The following CYP19A1 variants were observed in gnomAD, a reference collection of about 807,000 sequenced individuals.
CYP19A1 encodes the protein cytochrome P450 family 19 subfamily A member 1.
Under a neutral mutation model 44.4 loss-of-function variants are expected in CYP19A1, and 32 were observed. That is an observed-to-expected ratio of 0.72 (90% CI 0.54 to 0.97). The LOEUF is 0.97. CYP19A1 is among the 50% of genes least tolerant of loss of function. CYP19A1 has a pLI of 0.00. For synonymous variants in CYP19A1, 212 were observed against 215.6 expected (o/e 0.98, Z 0.14); for missense variants, 598 against 637.8 (o/e 0.94, Z 0.67).
At chr15:51,231,519 G>T (rs2033031942) in intron 3 of CYP19A1, among the ~76,000 whole-genome samples, 1 of 151,976 alleles carries the variant, frequency 6.6e-6, no homozygotes, top group Non-Finnish European at 1.5e-5. Context: ...ACTTTGTCAT[G>T]GTTGTCTGAT....
chr15:51,243,070 G>A, intron 1 of CYP19A1, 120 bp from the exon 2 acceptor site: 1 of 722,344 alleles, frequency 1.4e-6, no homozygotes. Flanking sequence ...AATGTGATCA[G>A]ACATTTAGGC....
At chr15:51,281,419 G>T (rs2035512964) in intron 1 of CYP19A1, among the ~76,000 whole-genome samples, 1 of 152,188 alleles carries the variant, frequency 6.6e-6, no homozygotes, top group Admixed American at 6.5e-5. Context: ...GCCCTTTCAG[G>T]GGCCATGTCC....
chr15:51,264,471 C>T (rs1334708803), intron 1 of CYP19A1, among the ~76,000 whole-genome samples: 1 of 150,426 alleles, frequency 6.6e-6, no homozygotes, highest in Admixed American at 6.6e-5. Flanking sequence ...GTGAACCTTA[C>T]AGGAGATTTC....
At chr15:51,258,426 T>G (rs2034592670) in intron 1 of CYP19A1, among the ~76,000 whole-genome samples, 1 of 152,212 alleles carries the variant, frequency 6.6e-6, no homozygotes, top group Admixed American at 6.5e-5. Flanking sequence ...TAGCATATCT[T>G]TATTCCAACA....
intron 1 of CYP19A1, among the ~76,000 whole-genome samples, chr15:51,311,412 A>C (rs896135006): frequency 1.3e-5 from 2 of 152,248 alleles, no homozygotes; most frequent in Non-Finnish European, 2.9e-5. Context: ...GATCATCAGA[A>C]ATTATCCAAT....
At chr15:51,284,805 T>C (rs2035643146) in intron 1 of CYP19A1, among the ~76,000 whole-genome samples, 1 of 152,064 alleles carries the variant, frequency 6.6e-6, no homozygotes, top group South Asian at 2.1e-4. Flanking sequence ...GAAAGATAAT[T>C]ATATGGGGAA....
intron 1 of CYP19A1, chr15:51,255,637 T>C (rs2034485331): frequency 6.6e-6 from 1 of 152,178 alleles, no homozygotes; most frequent in African/African-American, 2.4e-5. Flanking sequence ...ATGCCCAAGT[T>C]CAGTGGAGAC....
At chr15:51,311,743 G>C (rs1052306560) in intron 1 of CYP19A1, among the ~76,000 whole-genome samples, 4 of 152,262 alleles carry the variant, frequency 2.6e-5, no homozygotes, top group African/African-American at 9.6e-5. Flanking sequence ...CTGAGCTTTT[G>C]ACCCTGGGGT....
intron 1 of CYP19A1, among the ~76,000 whole-genome samples, chr15:51,332,297 C>T (rs185798689): frequency 6.6e-5 from 10 of 152,304 alleles, no homozygotes; most frequent in African/African-American, 2.4e-4. Flanking sequence ...AGATTCTCTC[C>T]TCTCCTGCTG....
At chr15:51,260,693 A>C (rs2034680606) in intron 1 of CYP19A1, among the ~76,000 whole-genome samples, 1 of 152,202 alleles carries the variant, frequency 6.6e-6, no homozygotes, top group Non-Finnish European at 1.5e-5. Flanking sequence ...AACTCAGCTC[A>C]CACCCGGCCA....
At chr15:51,281,623 C>T (rs2035520726) in intron 1 of CYP19A1, among the ~76,000 whole-genome samples, 1 of 152,100 alleles carries the variant, frequency 6.6e-6, no homozygotes, top group African/African-American at 2.4e-5. Flanking sequence ...CAGTGAGGGG[C>T]AGGAGAGTTG....
At chr15:51,304,443 G>A (rs559111909) in intron 1 of CYP19A1, among the ~76,000 whole-genome samples, 3 of 152,230 alleles carry the variant, frequency 2.0e-5, no homozygotes, top group Non-Finnish European at 2.9e-5. Flanking sequence ...GTGTGGAAGG[G>A]AGCCAGCAAT....
In CYP19A1 at chr15:51,323,291, C is replaced by T. The variant is rs1273660262; in HGVS notation, c.-39+15204G>A. On this transcript the variant is annotated intron_variant, in intron 1 of 9. Transcript: ENST00000396402. ...GCTCCTTCTTATAGGAAGCTGCTCT[C>T]AGGTAGGGAGTAGCCACACTCAGGC... 2.0e-5 allele frequency among the ~76,000 whole-genome samples: 3 copies of T among 152,192 alleles called. No homozygotes were observed. In the East Asian group the frequency reaches 5.8e-4, roughly 29 times the overall value.
intron 1 of CYP19A1, among the ~76,000 whole-genome samples, chr15:51,273,141 G>A (rs2035188215): frequency 6.6e-6 from 1 of 152,076 alleles, no homozygotes; most frequent in Non-Finnish European, 1.5e-5. Context: ...TGTAGAGACA[G>A]GGTTTCACCA....
intron 1 of CYP19A1, among the ~76,000 whole-genome samples, chr15:51,311,180 C>A (rs1449654516): frequency 6.6e-6 from 1 of 151,818 alleles, no homozygotes; most frequent in Non-Finnish European, 1.5e-5. Flanking sequence ...AAAAAAAAAA[C>A]TCCGAAGCAT....
intron 1 of CYP19A1, among the ~76,000 whole-genome samples, chr15:51,250,668 G>A (rs1429442272): frequency 6.6e-6 from 1 of 152,186 alleles, no homozygotes; most frequent in Non-Finnish European, 1.5e-5. Flanking sequence ...TTGAATTGGG[G>A]TTGATCCCCC....
intron 1 of CYP19A1, among the ~76,000 whole-genome samples, chr15:51,272,247 T>C (rs2035153568): frequency 6.6e-6 from 1 of 152,198 alleles, no homozygotes. Flanking sequence ...AAGATACGTG[T>C]TCCTGAGTAA....
intron 1 of CYP19A1, among the ~76,000 whole-genome samples, chr15:51,302,757 C>A (rs1011319259): frequency 1.1e-4 from 17 of 152,232 alleles, no homozygotes; most frequent in African/African-American, 4.1e-4. Context: ...GGCAGGCCTT[C>A]TTTGATGTCC....
intron 1 of CYP19A1, among the ~76,000 whole-genome samples, chr15:51,301,555 A>C: frequency 6.6e-6 from 1 of 152,180 alleles, no homozygotes; most frequent in South Asian, 2.1e-4. Flanking sequence ...ACTGACCCCT[A>C]TTTGGGCTGA....
Sources: allele counts gnomAD v4.1 joint callset (sites outside exome capture counted in the v4.1 genomes callset), GRCh38; gene constraint gnomAD v4.1.1; transcripts MANE v1.5; gene names NCBI Gene and HGNC (gene_info 2026-07-23, HGNC 2026-07-21).